Variants in SLC17A9 observed in about 807,000 individuals in gnomAD.
SLC17A9 encodes voltage-gated purine nucleotide uniporter SLC17A9.
Under a neutral mutation model 55.0 loss-of-function variants are expected in SLC17A9, and 49 were observed. That is an observed-to-expected ratio of 0.89 (90% CI 0.71 to 1.13). The LOEUF (loss-of-function observed/expected upper bound fraction) is 1.13. Among genes scored for constraint, SLC17A9 ranks in the 50% most tolerant of loss-of-function variants. The pLI, the probability that SLC17A9 is intolerant of heterozygous loss-of-function variation, is 0.00. For missense variants in SLC17A9, 526 were observed against 569.3 expected (o/e 0.92, Z 0.77); for synonymous variants, 256 against 247.4 (o/e 1.03, Z -0.32).
chr20:62,967,348 G>A lies in SLC17A9; in HGVS notation c.1159G>A (p.Val387Met). 1 of 1,614,110 alleles carries A rather than the reference G, an allele frequency of 6.2e-7. No homozygotes were observed. Among genetic ancestry groups the A allele is most frequent in the Non-Finnish European group, 8.5e-7 (1 of 1,179,994 alleles). ...TAGALAGVVG[V>M]CLGGYLMETT... is the part of the protein sequence containing the mutation. ...CCTCTCTTGGGCAGGTGTCGTGGGT[G>A]TGTGTCTAGGCGGCTACTTGATGGA... Residue 387 changes from valine to methionine, a missense_variant, in exon 13 of 13, where the codon GTG (valine) becomes ATG (methionine). Transcript: ENST00000370351.
chr20:62,953,915 G>C (rs1601082204), intron 1 of SLC17A9, among the ~76,000 whole-genome samples: 1 of 152,256 alleles, frequency 6.6e-6, no homozygotes, highest in Non-Finnish European at 1.5e-5. Context: ...AGCGGGCCCT[G>C]CCCCTTGCTC....
chr20:62,959,743 G>C (rs2065573214), intron 3 of SLC17A9, among the ~76,000 whole-genome samples: 1 of 152,272 alleles, frequency 6.6e-6, no homozygotes, highest in African/African-American at 2.4e-5. Flanking sequence ...TCCTGTGTGT[G>C]GCCGTCTGTT....
At chr20:62,966,671 C>T (rs1173357996) in intron 11 of SLC17A9, 32 bp from the exon 12 acceptor site, 17 of 1,613,960 alleles carry the variant, frequency 1.1e-5, no homozygotes, top group Non-Finnish European at 1.4e-5. Flanking sequence ...TGCTGACCAT[C>T]CATATTCTCT....
intron 1 of SLC17A9, chr20:62,953,196 C>T (rs937408616): frequency 1.9e-6 from 3 of 1,550,306 alleles, no homozygotes; most frequent in Non-Finnish European, 2.6e-6. Context: ...AGTCAGGAGG[C>T]ATACCCCTCG....
chr20:62,964,834 A>G (rs2065620730), intron 8 of SLC17A9, among the ~76,000 whole-genome samples: 1 of 152,230 alleles, frequency 6.6e-6, no homozygotes, highest in African/African-American at 2.4e-5. Flanking sequence ...GAAAATCTGG[A>G]GCAGCAGAGG....
chr20:62,967,673 GGGGT>G lies in SLC17A9; in HGVS notation c.*177_*180del. ...AGTCCACAACAGCTGGTGGGAGGGT[GGGGT>G]GGGCCTGGGTCCAGACCAGGCTCGC... On this transcript the variant is annotated 3_prime_UTR_variant, in exon 13 of 13. Coordinates refer to ENST00000370351, the MANE Select transcript of SLC17A9 (RefSeq NM_022082.4). 2 of 572,512 alleles carry G rather than the reference GGGGT, an allele frequency of 3.5e-6. No homozygotes were observed. The highest frequency in any genetic ancestry group is 5.9e-6 in the Non-Finnish European group (2 of 340,808). The allele number at this position is 572,512 out of a possible 1,614,324, so 35.5% of individuals were successfully genotyped here.
chr20:62,954,517 G>A (rs1237615956), intron 1 of SLC17A9, among the ~76,000 whole-genome samples: 1 of 152,246 alleles, frequency 6.6e-6, no homozygotes, highest in Non-Finnish European at 1.5e-5. Flanking sequence ...AGTGCAGAGT[G>A]GTGGGAGGAA....
chr20:62,963,802 G>A, intron 7 of SLC17A9, 122 bp downstream of exon 7: 1 of 909,136 alleles, frequency 1.1e-6, no homozygotes, highest in Non-Finnish European at 1.7e-6. Context: ...TGGACTCTGA[G>A]GGTCCTGGCA....
intron 8 of SLC17A9, among the ~76,000 whole-genome samples, chr20:62,964,751 C>T (rs1035660707): frequency 2.0e-5 from 3 of 152,258 alleles, no homozygotes; most frequent in African/African-American, 4.8e-5. Flanking sequence ...TCTCTCCACA[C>T]GTGTGCCTAT....
At chr20:62,961,298 G>A (rs1287693786) in intron 4 of SLC17A9, among the ~76,000 whole-genome samples, 1 of 75,872 alleles carries the variant, frequency 1.3e-5, no homozygotes, top group Non-Finnish European at 2.7e-5. Flanking sequence ...GCTGGAGGGC[G>A]GCTTGTCCTC....
At position 62,957,751 on chromosome 20, in the gene SLC17A9, A is replaced by AGT. The variant is rs1206192671; in HGVS notation, c.397+178_397+179dup. 6.3e-5 allele frequency among the ~76,000 whole-genome samples: 9 copies of AGT among 143,118 alleles called. No homozygotes were observed. In the East Asian group the frequency reaches 6.5e-4, roughly 10 times the overall value. 93.9% of individuals were successfully genotyped at this position (143,118 alleles called of 152,430 possible). ...GCACCTGTGTGTGTGTGCGTGTGTAAGTGTGTGTATGGCATGCCCGCGTGC... is the reference window on the plus strand; with the variant it reads ...GCACCTGTGTGTGTGTGCGTGTGTAAGTGTGTGTGTATGGCATGCCCGCGTGC... On this transcript the variant is annotated intron_variant, in intron 3 of 12. Transcript: ENST00000370351.
At chr20:62,957,209 G>A (rs1449736633) in intron 2 of SLC17A9, 1 of 985,400 alleles carries the variant, frequency 1.0e-6, no homozygotes. Flanking sequence ...GGAGCTGGGA[G>A]GGGAGAGGCC....
chr20:62,963,007 G>A (rs1430560948), intron 5 of SLC17A9: 3 of 641,168 alleles, frequency 4.7e-6, no homozygotes, highest in Non-Finnish European at 8.0e-6. Context: ...GTCAAGGCAG[G>A]GTGCAGGAGC....
At chr20:62,963,877 T>C in intron 7 of SLC17A9, 197 bp downstream of exon 7, 1 of 608,760 alleles carries the variant, frequency 1.6e-6, no homozygotes, top group Non-Finnish European at 2.9e-6. Context: ...TGTTTGAGGC[T>C]GGAAATGATG....
In SLC17A9 at chr20:62,968,567, AAAT is replaced by A. The variant is rs1326427888; in HGVS notation, c.*1073_*1075del. The A allele has an allele frequency of 6.6e-6, 1 of 152,254 alleles. No homozygotes were observed. The highest frequency in any genetic ancestry group is 6.5e-5 in the Admixed American group (1 of 15,286). The allele number at this position is 152,254 out of a possible 1,614,324, so 9.4% of individuals were successfully genotyped here. A position where few individuals can be genotyped will look rare whatever the true frequency, so the allele number is the denominator to read the frequency against. On this transcript the variant is annotated 3_prime_UTR_variant, in exon 13 of 13. Coordinates refer to ENST00000370351, the MANE Select transcript of SLC17A9 (RefSeq NM_022082.4). ...GGAAAAGCACGCCAAAGCCTTATTT[AAAT>A]AATAACTATTAAACTATTCAAAAAG...
Position 62,969,202 on chromosome 20 carries a change from C to T in SLC17A9, c.*1702C>T, listed in dbSNP as rs868838532. 18 of 152,236 alleles carry T rather than the reference C, an allele frequency of 1.2e-4. No homozygotes were observed. Among genetic ancestry groups the T allele is most frequent in the Middle Eastern group, 3.2e-3 (1 of 316 alleles). The allele number at this position is 152,236 out of a possible 1,614,324, so 9.4% of individuals were successfully genotyped here. A position where few individuals can be genotyped will look rare whatever the true frequency, so the allele number is the denominator to read the frequency against. ...GTGAATGAATTGCTGTCTCTCTCCT[C>T]CTCATCTTGCACTAAATCTACATAA... On this transcript the variant is annotated 3_prime_UTR_variant, in exon 13 of 13. Transcript: ENST00000370351.
rs2065595936 is a variant in SLC17A9 at position 62,962,370 on chromosome 20, GC to G, written c.498-252del. 1 of 356,502 alleles carries G rather than the reference GC, an allele frequency of 2.8e-6. No individual in the cohort carries two copies. Among genetic ancestry groups the G allele is most frequent in the Admixed American group, 4.4e-5 (1 of 22,890 alleles). The allele number at this position is 356,502 out of a possible 1,614,324, so 22.1% of individuals were successfully genotyped here. ...GAAAAACAATGTGAGTTCCACAGCA[GC>G]CGCCCGACTGGGACACATGCGTGGC... On this transcript the variant is annotated intron_variant, in intron 4 of 12. Transcript: ENST00000370351. This position sits in a 1 kb window ranked among gnomAD's most constrained non-coding sequence, Gnocchi z 5.5.
chr20:62,953,050 G>A, intron 1 of SLC17A9, 161 bp downstream of exon 1: 1 of 1,183,960 alleles, frequency 8.4e-7, no homozygotes, highest in Non-Finnish European at 1.2e-6. Flanking sequence ...GGAGGTGGAA[G>A]GAAGTGAGTG....
At position 62,963,301 on chromosome 20, in the gene SLC17A9, C is replaced by T. The variant is rs965752814; in HGVS notation, c.657C>T (p.Ala219=). ...TCATCCTGGCCTTGGGTGTCCTGGC[C>T]CAAAGCCGGCCGGTGTCCAGGCACA... ...KDLILALGVL[A]QSRPVSRHNR... Residue 219 remains alanine (A), a synonymous_variant, in exon 6 of 13, where the codon GCC becomes GCT. Transcript: ENST00000370351. 1 of 1,613,812 alleles carries T rather than the reference C, an allele frequency of 6.2e-7. No individual in the cohort carries two copies. Among genetic ancestry groups the T allele is most frequent in the Non-Finnish European group, 8.5e-7 (1 of 1,180,028 alleles).
Sources: gnomAD v4.1 joint callset for allele counts (sites outside exome capture counted in the v4.1 genomes callset) on GRCh38, gnomAD v4.1.1 for gene constraint, Gnocchi (gnomAD v3.1) non-coding constraint, MANE v1.5 for transcripts, NCBI Gene and HGNC (gene_info 2026-07-23, HGNC 2026-07-21) for gene names.